Variants in KCNH2 observed in about 807,000 individuals in gnomAD.
KCNH2 encodes potassium voltage-gated channel subfamily H member 2, also known as voltage-gated inwardly rectifying potassium channel KCNH2.
A neutral mutation model predicts 95.9 loss-of-function variants in KCNH2; 35 were observed. That is an observed-to-expected ratio of 0.37 (90% CI 0.28 to 0.48). The LOEUF is 0.48. Ranked by LOEUF, KCNH2 falls within the 20% of genes least tolerant of loss-of-function variation. KCNH2 has a pLI of 0.99. For missense variants in KCNH2, 1,274 were observed against 1,702.9 expected (o/e 0.75, Z 4.43); for synonymous variants, 786 against 754.7 (o/e 1.04, Z -0.68).
chr7:150,948,785 TCA>T, intron 10 of KCNH2, 69 bp downstream of exon 10: 1 of 1,390,748 alleles, frequency 7.2e-7, no homozygotes, highest in Non-Finnish European at 1.0e-6. Context: ...ACATTCAATG[TCA>T]CACAGCAAAG....
At position 150,947,619 on chromosome 7, in the gene KCNH2, G is replaced by A. The variant is rs776595927; in HGVS notation, c.2952C>T (p.Cys984=). Residue 984 remains cysteine (C), a synonymous_variant, in exon 12 of 15, where the codon TGC becomes TGT. Transcript: ENST00000262186. ...MEDCEKSSDT[C]NPLSGAFSGV... ...CGCCCGGGATACCTGACAGGGGGTT[G>A]CAAGTGTCGCTGCTCTTCTCGCAGT... The A allele has an allele frequency of 5.6e-6, 9 of 1,612,724 alleles. No homozygotes were observed. The highest frequency in any genetic ancestry group is 1.1e-5 in the South Asian group (1 of 90,828).
rs1003732864 is a variant in KCNH2 at position 150,957,992 on chromosome 7, G to A, written c.916+67C>T. On this transcript the variant is annotated intron_variant, in intron 4 of 14. Coordinates refer to ENST00000262186, the MANE Select transcript of KCNH2 (RefSeq NM_000238.4). ...GAAAAGGTCAGAAGCCGAGGGCCCAGAATGCAGCAAGCCTGGCAGCAGAAG... is the reference window on the plus strand; with the variant it reads ...GAAAAGGTCAGAAGCCGAGGGCCCAAAATGCAGCAAGCCTGGCAGCAGAAG... The A allele has an allele frequency of 7.3e-6, 9 of 1,227,692 alleles. No individual in the cohort carries two copies. The Admixed American group carries it at 3.0e-4, about 40-fold the overall frequency. The allele number at this position is 1,227,692 out of a possible 1,614,324, so 76.0% of individuals were successfully genotyped here.
At chr7:150,955,482 C>T (rs1279635318) in intron 5 of KCNH2, 2 of 1,552,212 alleles carry the variant, frequency 1.3e-6, no homozygotes, top group Admixed American at 1.9e-5. Flanking sequence ...GTCCTGCTCG[C>T]CTTCCCGGCT....
intron 5 of KCNH2, among the ~76,000 whole-genome samples, chr7:150,954,493 G>A (rs971006605): frequency 2.0e-5 from 3 of 151,736 alleles, no homozygotes; most frequent in Admixed American, 2.0e-4. Context: ...CACCTGACAG[G>A]GGCCAGTCCC....
In KCNH2 at chr7:150,945,548, G is replaced by T; in HGVS notation, c.3331-34C>A. ...CACACAGAGCATGGGCAGGCGAAGA[G>T]GCCATGGAGGAGGAGGAAGGGGAGG... On this transcript the variant is annotated intron_variant, in intron 14 of 14. Coordinates refer to ENST00000262186, the MANE Select transcript of KCNH2 (RefSeq NM_000238.4). The surrounding 1 kb of genome is among the most constrained non-coding windows in gnomAD (Gnocchi z 5.6). 1 of 1,554,056 alleles carries T rather than the reference G, an allele frequency of 6.4e-7. No individual in the cohort carries two copies. The highest frequency in any genetic ancestry group is 1.4e-5 in the African/African-American group (1 of 73,358).
Position 150,957,289 on chromosome 7 carries a change from A to G in KCNH2, c.1128+2T>C. ...AGGAGAGCCCGGCCGCTGGGCGCCT[A>G]CCTGGGTGACCTTCTCAGTGACATT... On this transcript the variant is annotated splice_donor_variant, in intron 5 of 14. Transcript: ENST00000262186. LOFTEE classifies it high-confidence loss of function. 6.4e-7 allele frequency: 1 copy of G among 1,566,104 alleles called. No homozygotes were observed. Among genetic ancestry groups the G allele is most frequent in the Admixed American group, 1.9e-5 (1 of 52,238 alleles).
rs1408538509 is a variant in KCNH2 at position 150,959,591 on chromosome 7, G to C, written c.453C>G (p.Pro151=). The change falls in exon 3 of 15, where the codon CCC becomes CCG. Residue 151 remains proline, a synonymous_variant. Coordinates refer to ENST00000262186, the MANE Select transcript of KCNH2 (RefSeq NM_000238.4). ...PAHDTNHRGP[P]TSWLAPGRAK... is the part of the protein sequence containing the mutation. Reference sequence around the variant, plus strand: ...ACTTACCTGGGGCCAGCCAGCTGGTGGGGGGGCCCCGGTGGTTGGTGTCAT... The same window carrying C: ...ACTTACCTGGGGCCAGCCAGCTGGTCGGGGGGCCCCGGTGGTTGGTGTCAT... 3.1e-6 allele frequency: 5 copies of C among 1,613,786 alleles called. No homozygotes were observed. Among genetic ancestry groups the C allele is most frequent in the Admixed American group, 1.7e-5 (1 of 60,006 alleles).
chr7:150,949,974 A>G, intron 9 of KCNH2, 194 bp downstream of exon 9: 1 of 1,547,788 alleles, frequency 6.5e-7, no homozygotes, highest in Non-Finnish European at 8.7e-7. Flanking sequence ...CCCAGAGTTC[A>G]GCAGCCTCAC....
At position 150,950,912 on chromosome 7, in the gene KCNH2, T is replaced by A. The variant is rs371749379; in HGVS notation, c.2145+9A>T. ...CTGCCACCCACTGGCCACGCTCTGG[T>A]GGCCTCACCGCGTTCATGTCGATGC... On this transcript the variant is annotated intron_variant, in intron 8 of 14. Coordinates refer to ENST00000262186, the MANE Select transcript of KCNH2 (RefSeq NM_000238.4). 1.5e-4 allele frequency: 248 copies of A among 1,613,646 alleles called. No individual in the cohort carries two copies. Among genetic ancestry groups the A allele is most frequent in the Non-Finnish European group, 2.0e-4 (236 of 1,179,892 alleles).
At chr7:150,967,210 C>G (rs1435392005) in intron 2 of KCNH2, among the ~76,000 whole-genome samples, 1 of 152,120 alleles carries the variant, frequency 6.6e-6, no homozygotes, top group Admixed American at 6.5e-5. Context: ...ACCCAAGAGG[C>G]AGAGGCTGCA....
intron 2 of KCNH2, 134 bp downstream of exon 2, chr7:150,974,577 A>G: frequency 1.3e-6 from 1 of 773,840 alleles, no homozygotes; most frequent in Non-Finnish European, 2.1e-6. Flanking sequence ...ACACCCCCAC[A>G]GAACCCTGCC....
At position 150,947,761 on chromosome 7, in the gene KCNH2, C is replaced by T. The variant is rs199473540; in HGVS notation, c.2810G>A (p.Ser937Asn). ...WGESPSSGPS[S>N]PESSEDEGPG... Reference sequence around the variant, plus strand: ...GCCCTCATCCTCACTGCTCTCAGGGCTGGAGGGGCCACTGGACGGGCTCTC... The same window carrying T: ...GCCCTCATCCTCACTGCTCTCAGGGTTGGAGGGGCCACTGGACGGGCTCTC... The change falls in exon 12 of 15, where the codon AGC (serine) becomes AAC (asparagine). Residue 937 changes from serine to asparagine, a missense_variant. By Grantham distance (46) the Ser-to-Asn change is conservative. Coordinates refer to ENST00000262186, the MANE Select transcript of KCNH2 (RefSeq NM_000238.4). 55 of 1,542,190 alleles carry T rather than the reference C, an allele frequency of 3.6e-5. No homozygotes were observed. The highest frequency in any genetic ancestry group is 6.8e-5 in the African/African-American group (5 of 73,116).
At chr7:150,974,189 T>C (rs564839791) in intron 2 of KCNH2, among the ~76,000 whole-genome samples, 1 of 152,002 alleles carries the variant, frequency 6.6e-6, no homozygotes, top group Non-Finnish European at 1.5e-5. Flanking sequence ...CAGGTGCTGC[T>C]GAAGCGCAGG....
At chr7:150,951,916 C>A (rs560606100) in intron 6 of KCNH2, 81 bp from the exon 7 acceptor site, 1 of 1,352,306 alleles carries the variant, frequency 7.4e-7, no homozygotes, top group Non-Finnish European at 1.0e-6. Flanking sequence ...GCCCTCAGAG[C>A]GAGCATCAGA....
At chr7:150,959,326 G>A (rs1251000708) in intron 3 of KCNH2, among the ~76,000 whole-genome samples, 1 of 152,128 alleles carries the variant, frequency 6.6e-6, no homozygotes, top group Non-Finnish European at 1.5e-5. Flanking sequence ...TAGGGAAACG[G>A]TGCTAGCCCA....
intron 4 of KCNH2, among the ~76,000 whole-genome samples, 191 bp from the exon 5 acceptor site, chr7:150,957,693 C>T (rs553652901): frequency 1.1e-4 from 17 of 152,350 alleles, no homozygotes; most frequent in African/African-American, 4.1e-4. Flanking sequence ...AGCCAGGAGA[C>T]AGCCCTGAGA....
chr7:150,970,813 C>T (rs1410629519), intron 2 of KCNH2, among the ~76,000 whole-genome samples: 1 of 152,180 alleles, frequency 6.6e-6, no homozygotes, highest in Non-Finnish European at 1.5e-5. Context: ...AGCTTCAGTG[C>T]CACAGGAAAA....
intron 2 of KCNH2, among the ~76,000 whole-genome samples, chr7:150,972,388 G>C (rs929872605): frequency 1.5e-4 from 23 of 152,324 alleles, no homozygotes; most frequent in African/African-American, 5.3e-4. Flanking sequence ...ACACACACAG[G>C]CACGCACACA....
chr7:150,957,729 T>C (rs917450596), intron 4 of KCNH2, among the ~76,000 whole-genome samples: 12 of 152,328 alleles, frequency 7.9e-5, no homozygotes, highest in Middle Eastern at 6.8e-3. Flanking sequence ...GGAAACGGTC[T>C]GCTCCAGGAC....
Sources: allele counts gnomAD v4.1 joint callset (sites outside exome capture counted in the v4.1 genomes callset), GRCh38; gene constraint gnomAD v4.1.1; non-coding constraint Gnocchi (gnomAD v3.1); transcripts MANE v1.5; gene names NCBI Gene and HGNC (gene_info 2026-07-23, HGNC 2026-07-21).